BMP6: variants seen among roughly 807,000 people sequenced by gnomAD.
BMP6 encodes the protein VG-1-R.
Under a neutral mutation model 54.1 loss-of-function variants are expected in BMP6, and 17 were observed. That is an observed-to-expected ratio of 0.31 (90% CI 0.22 to 0.47). The LOEUF is 0.47. Ranked by LOEUF, BMP6 falls within the 20% of genes least tolerant of loss-of-function variation. The probability of loss-of-function intolerance (pLI) is 1.00; values close to 1 mark genes in which losing one functional copy is unlikely to be tolerated. For synonymous variants in BMP6, 328 were observed against 291.2 expected (o/e 1.13, Z -1.28); for missense variants, 720 against 690.4 (o/e 1.04, Z -0.48).
rs778120758 is a variant in BMP6 at position 7,880,495 on chromosome 6, A to C, written c.*152A>C. ...TTATTACCCAGGAAGATTTTAAAGG[A>C]CCTCATTAATAATTTGCTCACTTGG... On this transcript the variant is annotated 3_prime_UTR_variant, in exon 7 of 7. Transcript: ENST00000283147. 420 of 1,066,644 alleles carry C rather than the reference A, an allele frequency of 3.9e-4. No homozygotes were observed. The highest frequency in any genetic ancestry group is 5.2e-4 in the Non-Finnish European group (384 of 739,962). The allele number at this position is 1,066,644 out of a possible 1,614,324, so 66.1% of individuals were successfully genotyped here. A position where few individuals can be genotyped will look rare whatever the true frequency, so the allele number is the denominator to read the frequency against.
At chr6:7,793,047 C>T (rs1758134111) in intron 1 of BMP6, among the ~76,000 whole-genome samples, 1 of 150,842 alleles carries the variant, frequency 6.6e-6, no homozygotes, top group Non-Finnish European at 1.5e-5. Flanking sequence ...TCACTTGTCC[C>T]ACTTCTGCCT....
In BMP6 at chr6:7,880,111, C is replaced by G. The variant is rs765027412; in HGVS notation, c.1392+10C>G. ...GATTGTGCAGACCTTGGTGAGCTCT[C>G]GGAGACTTTGTTTTGTAAGTGGGAG... On this transcript the variant is annotated intron_variant, in intron 6 of 6. Coordinates refer to ENST00000283147, the MANE Select transcript of BMP6 (RefSeq NM_001718.6). 2 of 1,614,052 alleles carry G rather than the reference C, an allele frequency of 1.2e-6. No homozygotes were observed. The highest frequency in any genetic ancestry group is 1.7e-5 in the Admixed American group (1 of 60,016).
intron 1 of BMP6, among the ~76,000 whole-genome samples, chr6:7,773,922 T>C (rs1757825012): frequency 6.6e-6 from 1 of 152,198 alleles, no homozygotes; most frequent in African/African-American, 2.4e-5. Context: ...TGGCATTTTA[T>C]CCACTTGGTC....
chr6:7,852,461 C>T (rs983973786), intron 2 of BMP6, among the ~76,000 whole-genome samples: 1 of 152,212 alleles, frequency 6.6e-6, no homozygotes, highest in African/African-American at 2.4e-5. Context: ...CCTTTAGTCC[C>T]AGCTCCTCAG....
chr6:7,809,977 T>TCATTGTTA (rs1449074334), intron 1 of BMP6, among the ~76,000 whole-genome samples: 1 of 152,136 alleles, frequency 6.6e-6, no homozygotes, highest in Non-Finnish European at 1.5e-5. Flanking sequence ...GAGCAAATAT[T>TCATTGTTA]CATTGTTACC....
chr6:7,830,181 C>G (rs34703953), intron 1 of BMP6, among the ~76,000 whole-genome samples: 4,306 of 152,258 alleles, frequency 0.028, 69 homozygotes, highest in Middle Eastern at 0.037. Context: ...ACTCTCTCCT[C>G]TCTCTCATAT....
chr6:7,875,329 T>C (rs1759596651), intron 4 of BMP6, among the ~76,000 whole-genome samples: 1 of 152,222 alleles, frequency 6.6e-6, no homozygotes, highest in African/African-American at 2.4e-5. Context: ...CTCAGTCTAC[T>C]GACTCAAATA....
intron 1 of BMP6, among the ~76,000 whole-genome samples, chr6:7,841,122 A>C (rs1758962283): frequency 6.6e-6 from 1 of 152,224 alleles, no homozygotes; most frequent in African/African-American, 2.4e-5. Flanking sequence ...CCTAATCTTT[A>C]GAAATGTTAT....
At chr6:7,864,818 A>C (rs147140330) in intron 4 of BMP6, among the ~76,000 whole-genome samples, 1 of 152,194 alleles carries the variant, frequency 6.6e-6, no homozygotes, top group Non-Finnish European at 1.5e-5. Context: ...AAAAGAGAAG[A>C]AATGCTTGCT....
intron 4 of BMP6, among the ~76,000 whole-genome samples, chr6:7,871,749 G>T (rs1413595835): frequency 6.6e-6 from 1 of 152,180 alleles, no homozygotes; most frequent in African/African-American, 2.4e-5. Context: ...GGAGCCTTGG[G>T]GTCCCAAGAC....
At chr6:7,799,914 A>C (rs182715964) in intron 1 of BMP6, among the ~76,000 whole-genome samples, 1 of 152,262 alleles carries the variant, frequency 6.6e-6, no homozygotes, top group African/African-American at 2.4e-5. Flanking sequence ...TGATAGGTGC[A>C]AATGTTGAAG....
chr6:7,813,958 T>C (rs567572357), intron 1 of BMP6, among the ~76,000 whole-genome samples: 4 of 152,182 alleles, frequency 2.6e-5, no homozygotes, highest in Non-Finnish European at 5.9e-5. Flanking sequence ...ATCCTTCCTT[T>C]CAGGTTGTTG....
intron 1 of BMP6, among the ~76,000 whole-genome samples, chr6:7,734,111 C>G (rs1761917459): frequency 6.6e-6 from 1 of 152,152 alleles, no homozygotes; most frequent in Non-Finnish European, 1.5e-5. Context: ...TTTCAGCACC[C>G]TATGCATAAA....
At chr6:7,790,948 C>T (rs1054126255) in intron 1 of BMP6, among the ~76,000 whole-genome samples, 3 of 152,160 alleles carry the variant, frequency 2.0e-5, no homozygotes, top group African/African-American at 7.2e-5. Flanking sequence ...TCTGTAGGCT[C>T]CTTCCCATGA....
At chr6:7,856,885 C>T (rs1201485531) in intron 2 of BMP6, among the ~76,000 whole-genome samples, 1 of 151,990 alleles carries the variant, frequency 6.6e-6, no homozygotes, top group Admixed American at 6.5e-5. Context: ...CGTGAGCCAC[C>T]GCGCCCGGCC....
chr6:7,813,287 C>A (rs1402751531), intron 1 of BMP6, among the ~76,000 whole-genome samples: 1 of 144,442 alleles, frequency 6.9e-6, no homozygotes. Context: ...ACCTCCAATA[C>A]TTTGTGGAAT....
chr6:7,825,721 G>GA (rs1186069160), intron 1 of BMP6, among the ~76,000 whole-genome samples: 242 of 119,484 alleles, frequency 2.0e-3, no homozygotes, highest in Middle Eastern at 4.5e-3. Context: ...AGTCCATCTC[G>GA]AAAAAAAAAA....
intron 4 of BMP6, among the ~76,000 whole-genome samples, chr6:7,864,535 A>C (rs1271558472): frequency 6.6e-6 from 1 of 152,172 alleles, no homozygotes; most frequent in East Asian, 1.9e-4. Context: ...ATTGTACAGA[A>C]ATGTCATTTT....
intron 1 of BMP6, among the ~76,000 whole-genome samples, chr6:7,822,420 T>C (rs1046070349): frequency 6.6e-6 from 1 of 152,216 alleles, no homozygotes; most frequent in Non-Finnish European, 1.5e-5. Context: ...CTTTGTTCAC[T>C]GGATCAGGTC....
Sources: gnomAD v4.1 joint callset for allele counts (sites outside exome capture counted in the v4.1 genomes callset) on GRCh38, gnomAD v4.1.1 for gene constraint, MANE v1.5 for transcripts, NCBI Gene and HGNC (gene_info 2026-07-23, HGNC 2026-07-21) for gene names.